LRRTM4: variants seen among roughly 807,000 people sequenced by gnomAD.
The protein encoded by LRRTM4 is leucine rich repeat transmembrane neuronal 4.
LRRTM4 carries 25 observed loss-of-function variants against 47.6 expected under a neutral mutation model. The ratio of observed to expected loss-of-function variants is 0.53; its 90% CI spans 0.38 to 0.73. The LOEUF is 0.73. Among genes scored for constraint, LRRTM4 ranks in the 30% least tolerant of loss-of-function variants. The pLI is 0.00. For synonymous variants in LRRTM4, 311 were observed against 269.5 expected, an observed-to-expected ratio of 1.15 and a Z score of -1.51; for missense variants, 638 against 713.4, an observed-to-expected ratio of 0.89 and a Z score of 1.20.
chr2:77,499,420 T>G (rs1678487938), intron 3 of LRRTM4, among the ~76,000 whole-genome samples: 1 of 151,852 alleles, frequency 6.6e-6, no homozygotes, highest in Non-Finnish European at 1.5e-5. Context: ...TCTACACACT[T>G]ACCTGACCCT....
intron 3 of LRRTM4, among the ~76,000 whole-genome samples, chr2:77,313,125 G>C (rs1473583243): frequency 6.6e-6 from 1 of 152,170 alleles, no homozygotes; most frequent in Non-Finnish European, 1.5e-5. Flanking sequence ...CTCGTGCTGG[G>C]ATGTGCCTCC....
chr2:77,159,022 G>C (rs1202029586), intron 3 of LRRTM4, among the ~76,000 whole-genome samples: 2 of 152,066 alleles, frequency 1.3e-5, no homozygotes, highest in Non-Finnish European at 2.9e-5. Context: ...CACTAAACCA[G>C]ACTTTATATC....
intron 3 of LRRTM4, among the ~76,000 whole-genome samples, chr2:77,111,153 A>T (rs150645033): frequency 0.021 from 3,143 of 152,128 alleles, 106 homozygotes; most frequent in African/African-American, 0.071. Flanking sequence ...TCTGTTGCCC[A>T]GGCTAGAGTG....
At chr2:77,083,178 C>G (rs562275512) in intron 3 of LRRTM4, among the ~76,000 whole-genome samples, 2 of 152,220 alleles carry the variant, frequency 1.3e-5, no homozygotes, top group African/African-American at 4.8e-5. Context: ...ACAATTGCAG[C>G]ATGGTGGAAT....
chr2:77,243,782 T>TTTA (rs1201574559), intron 3 of LRRTM4, among the ~76,000 whole-genome samples: 1 of 147,374 alleles, frequency 6.8e-6, no homozygotes. Flanking sequence ...CCTTTTTTTT[T>TTTA]ATTATACTTT....
chr2:77,021,080 C>T lies in LRRTM4; in HGVS notation c.1552-272164G>A, dbSNP rs571032518. On this transcript the variant is annotated intron_variant, in intron 3 of 3. Transcript: ENST00000409884. ...AAGAAGCCACTAAAGGAACTGCAGG[C>T]AAGAAACTTCTCTGTATCTATCTAT... Among the ~76,000 whole-genome samples the T allele has an allele frequency of 4.7e-5, 7 of 150,376 alleles. No homozygotes were observed. The South Asian group carries it at 1.5e-3, about 32-fold the overall frequency.
Position 76,846,973 on chromosome 2 carries a change from G to C in LRRTM4, c.1552-98057C>G, listed in dbSNP as rs527764898. Reference sequence around the variant, plus strand: ...ACTAAAAACAAACTCTTCCAGCTGAGAGGTTTAGAGATCTTCTGAGGAGAA... The same window carrying C: ...ACTAAAAACAAACTCTTCCAGCTGACAGGTTTAGAGATCTTCTGAGGAGAA... On this transcript the variant is annotated intron_variant, in intron 3 of 3. Transcript: ENST00000409884. Among the ~76,000 whole-genome samples the C allele has an allele frequency of 7.2e-5, 11 of 152,284 alleles. No homozygotes were observed. In the East Asian group the frequency reaches 1.9e-3, roughly 27 times the overall value.
chr2:77,370,064 G>T (rs1672604633), intron 3 of LRRTM4, among the ~76,000 whole-genome samples: 1 of 151,732 alleles, frequency 6.6e-6, no homozygotes, highest in Non-Finnish European at 1.5e-5. Flanking sequence ...GTAGGCCAGT[G>T]TGCATAATGC....
At chr2:76,944,488 A>G (rs938135866) in intron 3 of LRRTM4, among the ~76,000 whole-genome samples, 3 of 152,086 alleles carry the variant, frequency 2.0e-5, no homozygotes, top group Non-Finnish European at 2.9e-5. Flanking sequence ...CCAGTACCTG[A>G]TAAGTATTAG....
chr2:77,206,216 T>G (rs1674122283), intron 3 of LRRTM4, among the ~76,000 whole-genome samples: 1 of 151,674 alleles, frequency 6.6e-6, no homozygotes, highest in Admixed American at 6.6e-5. Context: ...TCTCACTCTG[T>G]TGCCCAGGCT....
intron 3 of LRRTM4, among the ~76,000 whole-genome samples, chr2:77,108,280 G>C (rs1478753079): frequency 6.6e-6 from 1 of 151,888 alleles, no homozygotes; most frequent in Non-Finnish European, 1.5e-5. Context: ...AGAAAGAGGA[G>C]GCAGTGGGGG....
intron 3 of LRRTM4, among the ~76,000 whole-genome samples, chr2:76,938,868 G>A (rs530116308): frequency 1.3e-5 from 2 of 151,996 alleles, no homozygotes; most frequent in African/African-American, 2.4e-5. Flanking sequence ...TTTCCAGCAG[G>A]TGTTTCTTTT....
At chr2:77,286,562 GT>G (rs1305967593) in intron 3 of LRRTM4, among the ~76,000 whole-genome samples, 1 of 150,576 alleles carries the variant, frequency 6.6e-6, no homozygotes, top group East Asian at 2.0e-4. Context: ...TCAATTGGCA[GT>G]TTTTTCTTCA....
intron 3 of LRRTM4, among the ~76,000 whole-genome samples, chr2:76,864,632 C>G (rs1306961599): frequency 4.6e-5 from 7 of 150,716 alleles, no homozygotes; most frequent in Non-Finnish European, 8.8e-5. Flanking sequence ...TGCATTCCAG[C>G]CTGGGCAACA....
At chr2:76,904,279 G>C (rs1673744645) in intron 3 of LRRTM4, among the ~76,000 whole-genome samples, 1 of 152,196 alleles carries the variant, frequency 6.6e-6, no homozygotes, top group Non-Finnish European at 1.5e-5. Context: ...GATTGTTTGA[G>C]AACCACGTTT....
intron 3 of LRRTM4, among the ~76,000 whole-genome samples, chr2:76,912,720 T>G (rs1674113597): frequency 6.6e-6 from 1 of 152,196 alleles, no homozygotes; most frequent in Non-Finnish European, 1.5e-5. Context: ...GGTTGTTTCC[T>G]ATGGTTTAAC....
intron 3 of LRRTM4, among the ~76,000 whole-genome samples, chr2:76,853,088 A>T (rs1267090976): frequency 6.6e-6 from 1 of 152,168 alleles, no homozygotes; most frequent in Admixed American, 6.5e-5. Context: ...TGCTATGCTG[A>T]AAAGTTTGGA....
intron 3 of LRRTM4, among the ~76,000 whole-genome samples, chr2:76,909,757 A>C (rs1673982203): frequency 6.6e-6 from 1 of 152,242 alleles, no homozygotes. Context: ...GCTCACCATC[A>C]CTGACTATCA....
chr2:77,116,664 A>T (rs775092837), intron 3 of LRRTM4, among the ~76,000 whole-genome samples: 28 of 152,296 alleles, frequency 1.8e-4, no homozygotes, highest in Non-Finnish European at 2.2e-4. Flanking sequence ...CCAGAGCCTG[A>T]CAAGATTCAG....
Sources: allele counts gnomAD v4.1 joint callset (sites outside exome capture counted in the v4.1 genomes callset), GRCh38; gene constraint gnomAD v4.1.1; transcripts MANE v1.5; gene names NCBI Gene and HGNC (gene_info 2026-07-23, HGNC 2026-07-21).